Variants in FAF1 observed in about 807,000 individuals in gnomAD.
The protein encoded by FAF1 is Fas associated factor 1, also known as FAS-associated factor 1.
In FAF1, 25 loss-of-function variants were observed where a neutral mutation model predicts 92.5. The observed-to-expected ratio is 0.27, with a 90% CI of 0.20 to 0.38. The LOEUF is 0.38. Ranked by LOEUF, FAF1 falls within the 10% of genes least tolerant of loss-of-function variation. The pLI is 1.00. For synonymous variants in FAF1, 234 were observed against 273.2 expected (o/e 0.86, Z 1.42); for missense variants, 636 against 793.3 (o/e 0.80, Z 2.38).
intron 17 of FAF1, among the ~76,000 whole-genome samples, chr1:50,486,017 T>A (rs1394610646): frequency 6.6e-6 from 1 of 152,134 alleles, no homozygotes; most frequent in Non-Finnish European, 1.5e-5. Context: ...CAATTTGATA[T>A]TAGATTTGGG....
chr1:50,710,503 T>A (rs936029653), intron 6 of FAF1, among the ~76,000 whole-genome samples: 15 of 152,220 alleles, frequency 9.9e-5, no homozygotes, highest in African/African-American at 3.1e-4. Flanking sequence ...ATTGAGTGTC[T>A]AACATGTAAA....
chr1:50,450,610 TACTGTCA>T (rs1375451959), intron 18 of FAF1, among the ~76,000 whole-genome samples: 1 of 152,214 alleles, frequency 6.6e-6, no homozygotes, highest in Non-Finnish European at 1.5e-5. Flanking sequence ...TGTCTTTTGT[TACTGTCA>T]ACTTAGTCCT....
intron 8 of FAF1, among the ~76,000 whole-genome samples, chr1:50,610,586 G>A (rs1487865164): frequency 1.3e-5 from 2 of 152,084 alleles, no homozygotes; most frequent in African/African-American, 4.8e-5. Flanking sequence ...ATCTATCTTG[G>A]ATGCAATGTG....
At chr1:50,858,593 A>C (rs1022362334) in intron 1 of FAF1, among the ~76,000 whole-genome samples, 4 of 151,858 alleles carry the variant, frequency 2.6e-5, no homozygotes, top group African/African-American at 9.7e-5. Context: ...CTATCTCATT[A>C]ATAATTTTTC....
chr1:50,788,388 A>C (rs890955165), intron 3 of FAF1, among the ~76,000 whole-genome samples, 183 bp from the exon 4 acceptor site: 1 of 152,196 alleles, frequency 6.6e-6, no homozygotes, highest in Non-Finnish European at 1.5e-5. Flanking sequence ...TGAAGGCCAC[A>C]TTACTCTCCT....
At chr1:50,641,832 A>G (rs1235194939) in intron 8 of FAF1, among the ~76,000 whole-genome samples, 1 of 152,184 alleles carries the variant, frequency 6.6e-6, no homozygotes, top group Non-Finnish European at 1.5e-5. Context: ...AGGCACATAC[A>G]CATTTAGGAT....
chr1:50,555,909 T>C (rs1649551759), intron 13 of FAF1, among the ~76,000 whole-genome samples: 1 of 151,562 alleles, frequency 6.6e-6, no homozygotes, highest in South Asian at 2.1e-4. Context: ...TACGTATACA[T>C]ATATATATAT....
chr1:50,448,458 T>C (rs1646254795), intron 18 of FAF1, among the ~76,000 whole-genome samples: 1 of 152,240 alleles, frequency 6.6e-6, no homozygotes, highest in Admixed American at 6.5e-5. Context: ...TTCACATTTA[T>C]GTATCCACAT....
At chr1:50,714,108 C>T (rs772842824) in intron 6 of FAF1, among the ~76,000 whole-genome samples, 2 of 151,944 alleles carry the variant, frequency 1.3e-5, no homozygotes, top group Non-Finnish European at 2.9e-5. Context: ...TGAATTTTAA[C>T]TCAATGCAAG....
chr1:50,721,755 C>G (rs1032488328), intron 6 of FAF1, among the ~76,000 whole-genome samples: 5 of 152,086 alleles, frequency 3.3e-5, no homozygotes, highest in African/African-American at 1.2e-4. Flanking sequence ...TCCCAAGTAG[C>G]TAGGACTACA....
At chr1:50,475,057 T>G (rs1055245167) in intron 18 of FAF1, among the ~76,000 whole-genome samples, 1 of 152,256 alleles carries the variant, frequency 6.6e-6, no homozygotes, top group African/African-American at 2.4e-5. Flanking sequence ...CTGTTTGTTT[T>G]GCATGACTCA....
intron 1 of FAF1, among the ~76,000 whole-genome samples, chr1:50,923,944 G>A (rs1644985046): frequency 6.6e-6 from 1 of 152,110 alleles, no homozygotes; most frequent in African/African-American, 2.4e-5. Context: ...ACCCATATAT[G>A]ACATACCCAC....
At chr1:50,491,250 T>C (rs1646835689) in intron 16 of FAF1, among the ~76,000 whole-genome samples, 1 of 152,232 alleles carries the variant, frequency 6.6e-6, no homozygotes. Flanking sequence ...TTTAGGATTC[T>C]TGGCTTATGT....
intron 12 of FAF1, among the ~76,000 whole-genome samples, chr1:50,572,490 T>C (rs1375194254): frequency 6.6e-6 from 1 of 152,242 alleles, no homozygotes; most frequent in Non-Finnish European, 1.5e-5. Flanking sequence ...CTAATTTGGA[T>C]CATTCCAGTA....
chr1:50,758,104 G>C (rs1479944464), intron 4 of FAF1, among the ~76,000 whole-genome samples: 1 of 152,164 alleles, frequency 6.6e-6, no homozygotes, highest in Non-Finnish European at 1.5e-5. Context: ...TTTTAGTAGA[G>C]ACGATGTTTT....
chr1:50,654,112 T>A (rs1654999563), intron 8 of FAF1, among the ~76,000 whole-genome samples: 1 of 152,236 alleles, frequency 6.6e-6, no homozygotes, highest in Non-Finnish European at 1.5e-5. Context: ...AAAACTTTTC[T>A]GTCTTCCACA....
At chr1:50,896,891 C>T (rs1644761645) in intron 1 of FAF1, among the ~76,000 whole-genome samples, 1 of 152,010 alleles carries the variant, frequency 6.6e-6, no homozygotes, top group African/African-American at 2.4e-5. Flanking sequence ...TTTAACTATA[C>T]TTAATACCAC....
chr1:50,475,505 A>G lies in FAF1; in HGVS notation c.1828T>C (p.Trp610Arg), dbSNP rs764955237. 5.6e-6 allele frequency: 9 copies of G among 1,613,990 alleles called. No individual in the cohort carries two copies. The Middle Eastern group carries it at 4.9e-4, about 88-fold the overall frequency. Residue 610 changes from tryptophan to arginine, a missense_variant, in exon 18 of 19, where the codon TGG becomes CGG. Around this residue, in one of 2 missense-constraint regions of FAF1, gnomAD observed 319 missense variants for 451.0 expected, o/e 0.71. Coordinates refer to ENST00000396153, the MANE Select transcript of FAF1 (RefSeq NM_007051.3). ...GTGCTCAGTAACTTGTACTCATCCC[A>G]TGGAAATCCTTTGGAAGCTACAAAA... ...FDFVASKGFP[W>R]DEYKLLSTFP...
chr1:50,639,932 T>G (rs1168095803), intron 8 of FAF1, among the ~76,000 whole-genome samples: 1 of 93,924 alleles, frequency 1.1e-5, no homozygotes, highest in African/African-American at 5.4e-5. Flanking sequence ...AGACTCGATC[T>G]CAAAAAAAAA....
Sources: allele counts gnomAD v4.1 joint callset (sites outside exome capture counted in the v4.1 genomes callset), GRCh38; gene constraint gnomAD v4.1.1; regional missense constraint gnomAD v4.1.1; transcripts MANE v1.5; gene names NCBI Gene and HGNC (gene_info 2026-07-23, HGNC 2026-07-21).